Variants in LYPD6 observed in about 807,000 individuals in gnomAD.
The protein encoded by LYPD6 is LY6/PLAUR domain containing 6.
LYPD6 carries 15 observed loss-of-function variants against 22.7 expected under a neutral mutation model. That is an observed-to-expected ratio of 0.66 (90% CI 0.44 to 1.02). The LOEUF (loss-of-function observed/expected upper bound fraction) is 1.02, where lower values mean the gene tolerates loss of function less well. Among genes scored for constraint, LYPD6 ranks in the 50% least tolerant of loss-of-function variants. LYPD6 has a pLI of 0.00. For synonymous variants in LYPD6, 72 were observed against 77.5 expected, an observed-to-expected ratio of 0.93 and a Z score of 0.37; for missense variants, 189 against 208.4, an observed-to-expected ratio of 0.91 and a Z score of 0.57.
At chr2:149,434,920 A>C (rs1683396552) in intron 1 of LYPD6, among the ~76,000 whole-genome samples, 1 of 149,720 alleles carries the variant, frequency 6.7e-6, no homozygotes, top group South Asian at 2.1e-4. Flanking sequence ...CCTAAAAAAC[A>C]AAACAACAAC....
intron 1 of LYPD6, among the ~76,000 whole-genome samples, chr2:149,330,972 T>A (rs1279015646): frequency 6.6e-6 from 1 of 152,152 alleles, no homozygotes; most frequent in Non-Finnish European, 1.5e-5. Context: ...TGTGTTGGGC[T>A]GGCGCGTGGA....
chr2:149,368,972 T>C (rs1305899313), intron 1 of LYPD6, among the ~76,000 whole-genome samples: 1 of 152,056 alleles, frequency 6.6e-6, no homozygotes, highest in African/African-American at 2.4e-5. Flanking sequence ...GAATTATTAA[T>C]TATAGGAGTT....
At chr2:149,341,912 G>A (rs1450250850) in intron 1 of LYPD6, among the ~76,000 whole-genome samples, 2 of 152,134 alleles carry the variant, frequency 1.3e-5, no homozygotes, top group African/African-American at 4.8e-5. Context: ...CCTGAATTTT[G>A]GAGGGATCAC....
chr2:149,413,036 A>G (rs1454843939), intron 1 of LYPD6, among the ~76,000 whole-genome samples: 1 of 152,128 alleles, frequency 6.6e-6, no homozygotes, highest in Non-Finnish European at 1.5e-5. Flanking sequence ...GTTTTTGAGA[A>G]TGTTACACTC....
At chr2:149,474,763 G>C (rs1284203961), downstream of LYPD6, among the ~76,000 whole-genome samples, 1 of 151,778 alleles carries the variant, frequency 6.6e-6, no homozygotes, top group Non-Finnish European at 1.5e-5. Flanking sequence ...CTTAATGTGG[G>C]TTTTTTGTTT....
In LYPD6 at chr2:149,407,343, C is replaced by T. The variant is rs188724838; in HGVS notation, c.-71-30295C>T. On this transcript the variant is annotated intron_variant, in intron 1 of 4. Transcript: ENST00000334166. ...TGCAGAGTGTTTTCCAACTTGGTTC[C>T]ATCCTCCCCATCACTTTCAGGTATA... 8.5e-5 allele frequency among the ~76,000 whole-genome samples: 13 copies of T among 152,300 alleles called. 1 individual carries two copies. Among genetic ancestry groups the T allele is most frequent in the Admixed American group, 7.2e-4 (11 of 15,294 alleles).
chr2:149,342,759 G>A (rs1246267802), intron 1 of LYPD6, among the ~76,000 whole-genome samples: 2 of 152,172 alleles, frequency 1.3e-5, no homozygotes, highest in Non-Finnish European at 2.9e-5. Context: ...CAGCCAACTG[G>A]CTTAAAATGT....
upstream of LYPD6, chr2:149,330,387 C>A (rs1445236290): frequency 6.6e-6 from 1 of 151,228 alleles, no homozygotes; most frequent in Non-Finnish European, 1.5e-5. Context: ...GCGCTCAGGC[C>A]GATTCTCCCG....
At chr2:149,392,369 G>T (rs1682330789) in intron 1 of LYPD6, among the ~76,000 whole-genome samples, 2 of 152,110 alleles carry the variant, frequency 1.3e-5, no homozygotes, top group African/African-American at 4.8e-5. Flanking sequence ...CAAGTGTGTG[G>T]GTGTTTAATT....
intron 1 of LYPD6, among the ~76,000 whole-genome samples, chr2:149,422,303 C>T (rs6710312): frequency 0.29 from 43,361 of 152,064 alleles, 7,853 homozygotes; most frequent in African/African-American, 0.52. Flanking sequence ...TTCCCAGGAG[C>T]AGTCAGCGTG....
intron 1 of LYPD6, among the ~76,000 whole-genome samples, chr2:149,353,002 C>G (rs1479054676): frequency 6.6e-6 from 1 of 152,212 alleles, no homozygotes; most frequent in Non-Finnish European, 1.5e-5. Context: ...GACTGCATCT[C>G]TGGTCCTTGA....
intron 1 of LYPD6, among the ~76,000 whole-genome samples, chr2:149,397,080 A>G (rs566999992): frequency 6.6e-6 from 1 of 152,272 alleles, no homozygotes; most frequent in Non-Finnish European, 1.5e-5. Flanking sequence ...AATATATTCT[A>G]TCTGTGGTTG....
intron 1 of LYPD6, among the ~76,000 whole-genome samples, chr2:149,434,021 GA>G (rs1683378527): frequency 6.6e-6 from 1 of 152,092 alleles, no homozygotes; most frequent in African/African-American, 2.4e-5. Context: ...AGAACGTGCA[GA>G]TTTGTTACAT....
chr2:149,431,792 G>A (rs993625959), intron 1 of LYPD6, among the ~76,000 whole-genome samples: 4 of 152,046 alleles, frequency 2.6e-5, no homozygotes, highest in African/African-American at 7.2e-5. Flanking sequence ...AAAAACTTTT[G>A]TAGATCAAAG....
chr2:149,420,125 G>T (rs1307743019), intron 1 of LYPD6, among the ~76,000 whole-genome samples: 2 of 152,172 alleles, frequency 1.3e-5, no homozygotes, highest in African/African-American at 4.8e-5. Flanking sequence ...TTAGAGAGGG[G>T]TCATGTAATC....
At chr2:149,353,762 G>A (rs1029192384) in intron 1 of LYPD6, among the ~76,000 whole-genome samples, 7 of 151,248 alleles carry the variant, frequency 4.6e-5, no homozygotes, top group African/African-American at 1.5e-4. Flanking sequence ...CAACATAAAT[G>A]TGCTCATTAA....
intron 1 of LYPD6, among the ~76,000 whole-genome samples, chr2:149,394,334 A>G (rs1002620506): frequency 7.2e-5 from 11 of 152,056 alleles, no homozygotes; most frequent in Non-Finnish European, 1.2e-4. Context: ...GTGATCACGG[A>G]CCTCTGAAAA....
rs16826926 is a variant in LYPD6, at chr2:149,379,528, A to G, written c.-72+48806A>G. On this transcript the variant is annotated intron_variant, in intron 1 of 4. Coordinates refer to ENST00000334166, the MANE Select transcript of LYPD6 (RefSeq NM_194317.5). ...TCTGGGTTAGTTCCTATTAGATTCA[A>G]TGAAAATCAGCAGTGGAAGAATTTA... 5.6e-3 allele frequency among the ~76,000 whole-genome samples: 855 copies of G among 152,342 alleles called. 6 individuals carry two copies. The highest frequency in any genetic ancestry group is 0.02 in the African/African-American group (835 of 41,584).
intron 1 of LYPD6, among the ~76,000 whole-genome samples, chr2:149,343,832 G>A (rs1156984167): frequency 6.6e-6 from 1 of 152,014 alleles, no homozygotes; most frequent in East Asian, 1.9e-4. Context: ...GATTGCTTAA[G>A]ATCAGCACTT....
Sources: gnomAD v4.1 joint callset for allele counts (sites outside exome capture counted in the v4.1 genomes callset) on GRCh38, gnomAD v4.1.1 for gene constraint, MANE v1.5 for transcripts, NCBI Gene and HGNC (gene_info 2026-07-23, HGNC 2026-07-21) for gene names.